The following SASH1 variants were observed in gnomAD, a reference collection of about 807,000 sequenced individuals.
SASH1 encodes the protein SAM and SH3 domain-containing protein 1.
Under a neutral mutation model 125.2 loss-of-function variants are expected in SASH1, and 44 were observed. The ratio of observed to expected loss-of-function variants is 0.35; its 90% confidence interval spans 0.28 to 0.45. The LOEUF is 0.45. Among genes scored for constraint, SASH1 ranks in the 20% least tolerant of loss-of-function variants. The probability of loss-of-function intolerance (pLI) is 1.00; values close to 1 mark genes in which losing one functional copy is unlikely to be tolerated. For synonymous variants in SASH1, 639 were observed against 649.1 expected (o/e 0.98, Z 0.24); for missense variants, 1,426 against 1,614.5 (o/e 0.88, Z 2.00).
chr6:148,229,126 T>C, the SASH1 span, among the ~76,000 whole-genome samples: 2 of 74,098 alleles, frequency 2.7e-5, no homozygotes, highest in African/African-American at 6.2e-5. Flanking sequence ...ACAGCAAGAC[T>C]CCATCTCAAA....
chr6:148,283,764 C>A (rs1163903530), intron 1 of SASH1, among the ~76,000 whole-genome samples: 1 of 151,666 alleles, frequency 6.6e-6, no homozygotes. Context: ...AAGATCGAGA[C>A]TCTGTCTCAA....
At chr6:148,275,200 G>A (rs1377620655) in intron 1 of SASH1, among the ~76,000 whole-genome samples, 1 of 152,140 alleles carries the variant, frequency 6.6e-6, no homozygotes, top group Non-Finnish European at 1.5e-5. Flanking sequence ...TTGTTTAATG[G>A]CATTGGAGAA....
At chr6:148,363,257 G>A (rs1016232451) in intron 1 of SASH1, among the ~76,000 whole-genome samples, 14 of 152,254 alleles carry the variant, frequency 9.2e-5, no homozygotes, top group East Asian at 5.8e-4. Context: ...AGGACGTGGC[G>A]GTGGATAGTG....
Position 148,548,669 on chromosome 6 carries a change from G to T in SASH1, c.*111G>T. On this transcript the variant is annotated 3_prime_UTR_variant, in exon 20 of 20. Transcript: ENST00000367467. ...CGTGCAGACCAGATCCAGAAGAAAG[G>T]CCTGGCGTGTGGCCAAACAGCGTGA... is the stretch of plus-strand genomic sequence containing the variant. The T allele has an allele frequency of 1.5e-6, 2 of 1,331,502 alleles. No individual in the cohort carries two copies. The highest frequency in any genetic ancestry group is 2.0e-6 in the Non-Finnish European group (2 of 982,972). The allele number at this position is 1,331,502 out of a possible 1,614,324, so 82.5% of individuals were successfully genotyped here.
At chr6:148,343,333 G>T in intron 1 of SASH1, 110 bp downstream of exon 1, 2 of 987,476 alleles carry the variant, frequency 2.0e-6, no homozygotes, top group Admixed American at 4.6e-5. Flanking sequence ...CCGCAGAGGC[G>T]TCCTTCTCTG....
chr6:148,391,635 A>G (rs1583073927), intron 2 of SASH1, among the ~76,000 whole-genome samples: 1 of 152,178 alleles, frequency 6.6e-6, no homozygotes, highest in Non-Finnish European at 1.5e-5. Flanking sequence ...GTATAATCAG[A>G]GATGCATTTG....
intron 1 of SASH1, among the ~76,000 whole-genome samples, chr6:148,385,962 A>G (rs1583061494): frequency 6.6e-6 from 1 of 152,134 alleles, no homozygotes; most frequent in Admixed American, 6.6e-5. Flanking sequence ...GGTCGTGGGA[A>G]CCCTAATTTG....
the SASH1 span, among the ~76,000 whole-genome samples, chr6:148,260,432 A>C: frequency 6.6e-6 from 1 of 151,956 alleles, no homozygotes; most frequent in Non-Finnish European, 1.5e-5. Context: ...TATAGCAAGA[A>C]TGCGTCTCTA....
intron 1 of SASH1, among the ~76,000 whole-genome samples, chr6:148,316,271 A>G (rs916449219): frequency 3.9e-5 from 6 of 152,044 alleles, no homozygotes; most frequent in Non-Finnish European, 5.9e-5. Context: ...GCTGTTTTCA[A>G]TGAGAGAGGC....
chr6:148,283,542 A>T (rs1261810015), intron 1 of SASH1: 1 of 152,080 alleles, frequency 6.6e-6, no homozygotes, highest in Admixed American at 6.6e-5. Flanking sequence ...GAGGCAGAGG[A>T]GGATGGGTCA....
chr6:148,236,148 C>T, the SASH1 span, among the ~76,000 whole-genome samples: 8 of 152,084 alleles, frequency 5.3e-5, no homozygotes, highest in African/African-American at 1.9e-4. Flanking sequence ...CAAGCTATTC[C>T]AGAGGTCAGG....
chr6:148,204,096 C>A, the SASH1 span, among the ~76,000 whole-genome samples: 2 of 152,158 alleles, frequency 1.3e-5, no homozygotes, highest in African/African-American at 4.8e-5. Context: ...GTGTTTGTGG[C>A]TAATCAGACA....
intron 4 of SASH1, among the ~76,000 whole-genome samples, chr6:148,457,618 G>A (rs751588519): frequency 2.6e-5 from 4 of 152,138 alleles, no homozygotes; most frequent in Non-Finnish European, 5.9e-5. Context: ...AATCTACTTT[G>A]GTAAGCCAGA....
chr6:148,405,786 A>T (rs1033725348), intron 2 of SASH1, among the ~76,000 whole-genome samples: 3 of 152,192 alleles, frequency 2.0e-5, no homozygotes, highest in African/African-American at 7.2e-5. Context: ...CCATTTTCCC[A>T]TAGAAACTTG....
chr6:148,196,039 T>G, the SASH1 span, among the ~76,000 whole-genome samples: 1 of 152,192 alleles, frequency 6.6e-6, no homozygotes, highest in Non-Finnish European at 1.5e-5. Flanking sequence ...AATCTAAGGC[T>G]CTGGTGATTT....
chr6:148,375,090 AG>A (rs1394276188), intron 1 of SASH1, among the ~76,000 whole-genome samples: 1 of 151,894 alleles, frequency 6.6e-6, no homozygotes, highest in Non-Finnish European at 1.5e-5. Flanking sequence ...TCCTGGGCTC[AG>A]GTCATCCTCC....
intron 1 of SASH1, among the ~76,000 whole-genome samples, chr6:148,374,354 T>C (rs1782809412): frequency 6.6e-6 from 1 of 152,302 alleles, no homozygotes; most frequent in Non-Finnish European, 1.5e-5. Flanking sequence ...TTAGCCAAGA[T>C]GAACTGATAA....
At chr6:148,442,171 G>A (rs921896784) in intron 4 of SASH1, among the ~76,000 whole-genome samples, 2 of 152,060 alleles carry the variant, frequency 1.3e-5, no homozygotes, top group African/African-American at 2.4e-5. Context: ...AGGATCACTT[G>A]AGGCAAGGAG....
intron 1 of SASH1, among the ~76,000 whole-genome samples, chr6:148,329,860 T>G (rs1780939458): frequency 6.6e-6 from 1 of 152,148 alleles, no homozygotes; most frequent in South Asian, 2.1e-4. Context: ...TCTTTCTTTT[T>G]TTTTCAGGAA....
Sources: gnomAD v4.1 joint callset for allele counts (sites outside exome capture counted in the v4.1 genomes callset) on GRCh38, gnomAD v4.1.1 for gene constraint, MANE v1.5 for transcripts, NCBI Gene and HGNC (gene_info 2026-07-23, HGNC 2026-07-21) for gene names.